Variants in DHX16 observed in about 807,000 individuals in gnomAD.
DHX16 encodes pre-mRNA-splicing factor ATP-dependent RNA helicase DHX16.
Under a neutral mutation model 131.2 loss-of-function variants are expected in DHX16, and 81 were observed. That is an observed-to-expected ratio of 0.62 (90% CI 0.52 to 0.74). The LOEUF is 0.74. Among genes scored for constraint, DHX16 ranks in the 30% least tolerant of loss-of-function variants. The pLI, the probability that DHX16 is intolerant of heterozygous loss-of-function variation, is 0.00. For missense variants in DHX16, 980 were observed against 1,363.1 expected, an observed-to-expected ratio of 0.72 and a Z score of 4.43; for synonymous variants, 440 against 520.2, an observed-to-expected ratio of 0.85 and a Z score of 2.10.
intron 10 of DHX16, 52 bp from the exon 11 acceptor site, chr6:30,659,886 C>G (rs768264824): frequency 3.3e-5 from 52 of 1,578,110 alleles, no homozygotes; most frequent in Admixed American, 1.2e-4. Context: ...CTTAGGCAAA[C>G]CTTTCCTCTC....
intron 12 of DHX16, 39 bp from the exon 13 acceptor site, chr6:30,657,131 T>A: frequency 1.3e-6 from 2 of 1,574,224 alleles, no homozygotes; most frequent in Non-Finnish European, 1.7e-6. Context: ...TGACCCCACC[T>A]ACCTAGTTAC....
Position 30,659,609 on chromosome 6 carries a change from C to A in DHX16, c.1870G>T (p.Ala624Ser), listed in dbSNP as rs780270507. Reference sequence around the variant, plus strand: ...CAGCGATCCTGGAGCATCTCACAGGCAGCCTCAATCTCCTCCTGGATAGAG... The same window carrying A: ...CAGCGATCCTGGAGCATCTCACAGGAAGCCTCAATCTCCTCCTGGATAGAG... ...FLTGQEEIEA[A>S]CEMLQDRCRR... Residue 624 changes from alanine to serine, a missense_variant, in exon 12 of 20, where the codon GCC becomes TCC. Transcript: ENST00000376442. 8 of 1,613,840 alleles carry A rather than the reference C, an allele frequency of 5.0e-6. No homozygotes were observed. Among genetic ancestry groups the A allele is most frequent in the Non-Finnish European group, 6.8e-6 (8 of 1,180,006 alleles).
Position 30,671,218 on chromosome 6 carries a change from C to G in DHX16, c.264G>C (p.Arg88=). ...KPARAAEREA[R]ALLEKNRSYR... is the part of the protein sequence containing the mutation. The stretch of plus-strand genomic sequence containing the variant: ...AAGATCGGTTCTTCTCCAGCAGGGC[C>G]CGGGCCTCTCGCTCTGCTGCCCGAG... Residue 88 remains arginine (R), a synonymous_variant, in exon 2 of 20, where the codon CGG becomes CGC. Coordinates refer to ENST00000376442, the MANE Select transcript of DHX16 (RefSeq NM_003587.5). 6.2e-7 allele frequency: 1 copy of G among 1,613,032 alleles called. No homozygotes were observed. The highest frequency in any genetic ancestry group is 1.3e-5 in the African/African-American group (1 of 75,006).
At chr6:30,661,826 T>C (rs747197225) in intron 9 of DHX16, 1 of 717,974 alleles carries the variant, frequency 1.4e-6, no homozygotes, top group Non-Finnish European at 2.6e-6. Flanking sequence ...AACATCTGCA[T>C]CAGACACTCT....
Position 30,662,502 on chromosome 6 carries a change from A to G in DHX16, c.1544+125T>C. On this transcript the variant is annotated intron_variant, in intron 9 of 19. Transcript: ENST00000376442. This position sits in a 1 kb window ranked among gnomAD's most constrained non-coding sequence, Gnocchi z 4.7. Reference sequence around the variant, plus strand: ...TGTCCTCCAGCCCCATCTCCGTGGTACCTGGAGGTCAGTTCAAGGACCATT... The same window carrying G: ...TGTCCTCCAGCCCCATCTCCGTGGTGCCTGGAGGTCAGTTCAAGGACCATT... 1.4e-6 allele frequency: 1 copy of G among 737,162 alleles called. No homozygotes were observed. The highest frequency in any genetic ancestry group is 2.4e-6 in the Non-Finnish European group (1 of 424,146). The allele number at this position is 737,162 out of a possible 1,614,324, so 45.7% of individuals were successfully genotyped here.
chr6:30,664,221 C>G (rs577120124), intron 7 of DHX16, among the ~76,000 whole-genome samples: 13 of 151,732 alleles, frequency 8.6e-5, no homozygotes, highest in Non-Finnish European at 1.6e-4. Context: ...CAGTGGCTCA[C>G]ACCTGTAATC....
At position 30,670,693 on chromosome 6, in the gene DHX16, C is replaced by G; in HGVS notation, c.609+97G>C. The G allele has an allele frequency of 6.5e-7, 1 of 1,532,184 alleles. No individual in the cohort carries two copies. Among genetic ancestry groups the G allele is most frequent in the Non-Finnish European group, 8.9e-7 (1 of 1,123,078 alleles). 94.9% of individuals were successfully genotyped at this position (1,532,184 alleles called of 1,614,324 possible). ...GTGAACATCTCACTAGAGACAGCCC[C>G]TTGTCTTCCCAGAGATCACTATCTC... On this transcript the variant is annotated intron_variant, in intron 3 of 19. Coordinates refer to ENST00000376442, the MANE Select transcript of DHX16 (RefSeq NM_003587.5). The surrounding 1 kb of genome is among the most constrained non-coding windows in gnomAD (Gnocchi z 4.4).
rs1305950537 is a variant in DHX16, at chr6:30,670,467, C to G, written c.610-1G>C. On this transcript the variant is annotated splice_acceptor_variant, in intron 3 of 19. Transcript: ENST00000376442. LOFTEE classifies it high-confidence loss of function. The surrounding 1 kb of genome is among the most constrained non-coding windows in gnomAD (Gnocchi z 4.4). ...GGCGCTTCTGAGCCTCTTCATAAGC[C>G]TAGAAGAAAAAACAAGAATGGAGGG... 6.2e-7 allele frequency: 1 copy of G among 1,610,796 alleles called. No individual in the cohort carries two copies. Among genetic ancestry groups the G allele is most frequent in the African/African-American group, 1.3e-5 (1 of 74,860 alleles).
intron 12 of DHX16, 71 bp downstream of exon 12, chr6:30,659,401 C>G: frequency 6.7e-7 from 1 of 1,496,034 alleles, no homozygotes; most frequent in South Asian, 1.2e-5. Flanking sequence ...TTGCATGGGG[C>G]AGGCACACAG....
At chr6:30,663,520 G>A (rs1266815202) in intron 7 of DHX16, among the ~76,000 whole-genome samples, 2 of 151,644 alleles carry the variant, frequency 1.3e-5, no homozygotes, top group East Asian at 1.9e-4. Flanking sequence ...TTGGGAGTTC[G>A]AGACCAGCCT....
rs1192533686 is a variant in DHX16 at position 30,672,653 on chromosome 6, G to A, written c.189C>T (p.Ala63=). 2 of 1,612,538 alleles carry A rather than the reference G, an allele frequency of 1.2e-6. No individual in the cohort carries two copies. Among genetic ancestry groups the A allele is most frequent in the Non-Finnish European group, 1.7e-6 (2 of 1,179,686 alleles). Residue 63 remains alanine, a synonymous_variant, in exon 1 of 20, where the codon GCC becomes GCT. Coordinates refer to ENST00000376442, the MANE Select transcript of DHX16 (RefSeq NM_003587.5). The part of the protein sequence containing the change: ...LDLSGPARDF[A]LRLWNKVPRK... Reference sequence around the variant, plus strand: ...CCGACACCTTGTTCCAGAGTCTCAGGGCGAAGTCCCGGGCCGGCCCACTGA... The same window carrying A: ...CCGACACCTTGTTCCAGAGTCTCAGAGCGAAGTCCCGGGCCGGCCCACTGA...
At position 30,672,509 on chromosome 6, in the gene DHX16, C is replaced by G. The variant is rs903177641; in HGVS notation, c.207+126G>C. The G allele has an allele frequency of 9.2e-6, 8 of 870,546 alleles. No individual in the cohort carries two copies. The African/African-American group carries it at 1.0e-4, about 11-fold the overall frequency. 53.9% of individuals were successfully genotyped at this position (870,546 alleles called of 1,614,324 possible). ...TGAGCTGGGCGTCCAGCAGCTAGCA[C>G]AGTACCTACGCGACAACGGACAAAG... is the stretch of plus-strand genomic sequence containing the variant. On this transcript the variant is annotated intron_variant, in intron 1 of 19. Transcript: ENST00000376442.
At position 30,655,335 on chromosome 6, in the gene DHX16, C is replaced by T. The variant is rs778247205; in HGVS notation, c.2663G>A (p.Trp888Ter). 6.2e-7 allele frequency: 1 copy of T among 1,614,052 alleles called. No individual in the cohort carries two copies. Among genetic ancestry groups the T allele is most frequent in the Non-Finnish European group, 8.5e-7 (1 of 1,179,960 alleles). The change falls in exon 18 of 20, where the codon TGG becomes TAG. Residue 888 changes from tryptophan (W) to a stop codon, truncating the protein, a stop_gained and splice_region_variant. Transcript: ENST00000376442. LOFTEE classifies it high-confidence loss of function. ...CTGGGAAGAGTAACCACTCTCAGCC[C>T]ACTGGGAAGACAGTTAAAAAGAAAG... ...HLVLLNVYTQWAESGYSSQWC... is the reference protein window; with the variant it reads ...HLVLLNVYTQ
chr6:30,672,979 A>G lies in DHX16; in HGVS notation c.-138T>C. On this transcript the variant is annotated 5_prime_UTR_variant, in exon 1 of 20. Transcript: ENST00000376442. ...ACCTTGGGACCTCTAGGATCTTCCG[A>G]CATCCCAAAGCTGTCTTCCCGTACC... The G allele has an allele frequency of 6.4e-7, 1 of 1,551,630 alleles. No individual in the cohort carries two copies. Among genetic ancestry groups the G allele is most frequent in the Non-Finnish European group, 8.7e-7 (1 of 1,147,054 alleles).
Position 30,659,453 on chromosome 6 carries a change from G to A in DHX16, c.2007+19C>T. ...TGTGGGAAGCATAGGGGTGAAGAGT[G>A]TGGGTTTCTCCAACTGACCTTTCGT... is the stretch of plus-strand genomic sequence containing the variant. On this transcript the variant is annotated intron_variant, in intron 12 of 19. Transcript: ENST00000376442. 6.4e-7 allele frequency: 1 copy of A among 1,573,790 alleles called. No homozygotes were observed. The highest frequency in any genetic ancestry group is 8.6e-7 in the Non-Finnish European group (1 of 1,159,772).
At chr6:30,654,359 G>A (rs1767751278) in intron 19 of DHX16, among the ~76,000 whole-genome samples, 1 of 152,162 alleles carries the variant, frequency 6.6e-6, no homozygotes, top group African/African-American at 2.4e-5. Flanking sequence ...GACCAGCCTG[G>A]CCAACATGGT....
At position 30,657,048 on chromosome 6, in the gene DHX16, C is replaced by T. The variant is rs1180506370; in HGVS notation, c.2052G>A (p.Glu684=). ...TNIAETSLTI[E]GIIYVLDPGF... is the part of the protein sequence containing the mutation. Reference sequence around the variant, plus strand: ...CTGGATCCAGCACATAAATGATGCCCTCAATGGTGAGTGATGTCTCAGCAA... The same window carrying T: ...CTGGATCCAGCACATAAATGATGCCTTCAATGGTGAGTGATGTCTCAGCAA... Residue 684 remains glutamate, a synonymous_variant, in exon 13 of 20, where the codon GAG becomes GAA. Transcript: ENST00000376442. 1 of 1,613,050 alleles carries T rather than the reference C, an allele frequency of 6.2e-7. No individual in the cohort carries two copies. The highest frequency in any genetic ancestry group is 1.7e-5 in the Admixed American group (1 of 60,020).
In DHX16 at chr6:30,664,834, C is replaced by A. The variant is rs771122502; in HGVS notation, c.1284G>T (p.Lys428Asn). Residue 428 changes from lysine to asparagine, a missense_variant, in exon 7 of 20, where the codon AAG becomes AAT. Physicochemically the swap from Lys to Asn is moderately conservative, Grantham distance 94. This residue lies in a region of DHX16 where 309 missense variants were observed against 537.1 expected (regional missense o/e 0.58). Coordinates refer to ENST00000376442, the MANE Select transcript of DHX16 (RefSeq NM_003587.5). The part of the protein sequence containing the change: ...LIIEGETGSG[K>N]TTQIPQYLFE... Reference sequence around the variant, plus strand: ...AGAGATACTGCGGGATCTGGGTGGTCTTCCCTGAGCCTGTCTCGCCTTCAA... The same window carrying A: ...AGAGATACTGCGGGATCTGGGTGGTATTCCCTGAGCCTGTCTCGCCTTCAA... 6.2e-7 allele frequency: 1 copy of A among 1,612,988 alleles called. No homozygotes were observed. Among genetic ancestry groups the A allele is most frequent in the Non-Finnish European group, 8.5e-7 (1 of 1,180,002 alleles).
rs376958441 is a variant in DHX16, at chr6:30,670,985, T to C, written c.447-33A>G. 185 of 1,612,928 alleles carry C rather than the reference T, an allele frequency of 1.1e-4. No individual in the cohort carries two copies. Among genetic ancestry groups the C allele is most frequent in the Middle Eastern group, 3.3e-4 (2 of 6,084 alleles). ...CCATCCAGGGGATTAAATAAGGGCA[T>C]AGAGAACACTTCAGCCTGCCCCATC... On this transcript the variant is annotated intron_variant, in intron 2 of 19. Transcript: ENST00000376442. This position sits in a 1 kb window ranked among gnomAD's most constrained non-coding sequence, Gnocchi z 4.4.
Sources: gnomAD v4.1 joint callset for allele counts (sites outside exome capture counted in the v4.1 genomes callset) on GRCh38, gnomAD v4.1.1 for gene constraint, gnomAD v4.1.1 regional missense constraint, Gnocchi (gnomAD v3.1) non-coding constraint, MANE v1.5 for transcripts, NCBI Gene and HGNC (gene_info 2026-07-23, HGNC 2026-07-21) for gene names.